Variants in URI1 observed in about 807,000 individuals in gnomAD.
URI1 encodes unconventional prefoldin RPB5 interactor 1.
A neutral mutation model predicts 60.2 loss-of-function variants in URI1; 39 were observed. That is an observed-to-expected ratio of 0.65 (90% confidence interval 0.50 to 0.85). The LOEUF is 0.85. Among genes scored for constraint, URI1 ranks in the 40% least tolerant of loss-of-function variants. URI1 has a pLI of 0.00. For synonymous variants in URI1, 251 were observed against 236.8 expected (o/e 1.06, Z -0.55); for missense variants, 691 against 665.9 (o/e 1.04, Z -0.42).
chr19:30,012,484 C>T lies in URI1; in HGVS notation c.1378C>T (p.Pro460Ser). 6.2e-7 allele frequency: 1 copy of T among 1,614,138 alleles called. No homozygotes were observed. The highest frequency in any genetic ancestry group is 8.5e-7 in the Non-Finnish European group (1 of 1,179,996). Reference sequence around the variant, plus strand: ...CAGTGAGAGCATTTTGGAAGAGGAACCACAAGAAAATCAAAAGAAACTTTT... The same window carrying T: ...CAGTGAGAGCATTTTGGAAGAGGAATCACAAGAAAATCAAAAGAAACTTTT... ...DTSESILEEE[P>S]QENQKKLLPL... is the part of the protein sequence containing the mutation. The change falls in exon 10 of 11, where the codon CCA (proline) becomes TCA (serine). Residue 460 changes from proline (P) to serine (S), a missense_variant. Transcript: ENST00000392271.
chr19:29,994,171 G>A (rs1307294445), intron 4 of URI1, among the ~76,000 whole-genome samples: 3 of 152,120 alleles, frequency 2.0e-5, no homozygotes, highest in African/African-American at 4.8e-5. Context: ...AACTTTGACA[G>A]TGCTGGCTTT....
rs952698870 is a variant in URI1 at position 29,956,944 on chromosome 19, A to G, written c.118-14249A>G. The G allele has an allele frequency of 1.3e-5, 13 of 990,364 alleles. No individual in the cohort carries two copies. In the Admixed American group the frequency reaches 1.9e-4, roughly 14 times the overall value. The allele number at this position is 990,364 out of a possible 1,614,324, so 61.3% of individuals were successfully genotyped here. On this transcript the variant is annotated intron_variant, in intron 1 of 10. Transcript: ENST00000392271. ...TGCGTCCCTTCAGAGTAACGTTGAC[A>G]TTTTCTGGAATGTCAACAGTCTGAT...
intron 1 of URI1, chr19:29,923,889 C>T: frequency 1.1e-6 from 1 of 883,394 alleles, no homozygotes; most frequent in Non-Finnish European, 1.7e-6. Flanking sequence ...TAGCTATAGA[C>T]CTGGAAGAGG....
In URI1 at chr19:30,005,664, T is replaced by A. The variant is rs373724542; in HGVS notation, c.473T>A (p.Ile158Asn). Residue 158 changes from isoleucine to asparagine, a missense_variant, in exon 6 of 11, where the codon ATT (isoleucine) becomes AAT (asparagine). Physicochemically the swap from Ile to Asn is moderately radical, Grantham distance 149 (BLOSUM62 -3). Transcript: ENST00000392271. ...LQKMSDAAGDIVDIREEIKCD... is the reference protein window; with the variant it reads ...LQKMSDAAGDNVDIREEIKCD... ...TTTAAAAACCAGGCTGCAGGTGATA[T>A]TGTTGACATACGAGAAGAAATTAAA... 7.4e-6 allele frequency: 12 copies of A among 1,611,796 alleles called. No individual in the cohort carries two copies. The highest frequency in any genetic ancestry group is 1.0e-5 in the Non-Finnish European group (12 of 1,179,016).
intron 1 of URI1, among the ~76,000 whole-genome samples, chr19:29,952,348 C>G (rs2055190488): frequency 6.6e-6 from 1 of 152,222 alleles, no homozygotes; most frequent in Non-Finnish European, 1.5e-5. Context: ...ATCATGAAGT[C>G]TTTCCTGTTG....
chr19:29,930,511 GT>G (rs947378230), intron 1 of URI1, among the ~76,000 whole-genome samples: 27 of 146,556 alleles, frequency 1.8e-4, no homozygotes, highest in East Asian at 6.0e-4. Context: ...CACCATTTGT[GT>G]TTTTTTTTTC....
chr19:29,942,579 A>ACCCCTCGC lies in URI1; in HGVS notation c.38_45dup (p.Ser16ArgfsTer42). Reference sequence around the variant, plus strand: ...GCGCCCACCGTGGAGACGCCCCCCGACCCCTCGCCCCCTTCGGCCCCGGCC... The same window carrying ACCCCTCGC: ...GCGCCCACCGTGGAGACGCCCCCCGACCCCTCGCCCCCTCGCCCCCTTCGGCCCCGGCC... On this transcript the variant is annotated frameshift_variant, in exon 1 of 11. Transcript: ENST00000392271. LOFTEE classifies it high-confidence loss of function. 1 of 1,376,378 alleles carries ACCCCTCGC rather than the reference A, an allele frequency of 7.3e-7. No homozygotes were observed. The highest frequency in any genetic ancestry group is 9.4e-7 in the Non-Finnish European group (1 of 1,063,632). The allele number at this position is 1,376,378 out of a possible 1,614,324, so 85.3% of individuals were successfully genotyped here. A position where few individuals can be genotyped will look rare whatever the true frequency, so the allele number is the denominator to read the frequency against.
At chr19:29,971,132 A>C in intron 1 of URI1, 61 bp from the exon 2 acceptor site, 1 of 1,537,876 alleles carries the variant, frequency 6.5e-7, no homozygotes, top group Non-Finnish European at 9.0e-7. Context: ...AGATACACTG[A>C]TTTTTGTAGC....
chr19:29,950,682 T>G (rs1298839552), intron 1 of URI1, among the ~76,000 whole-genome samples: 2 of 152,228 alleles, frequency 1.3e-5, no homozygotes, highest in Non-Finnish European at 2.9e-5. Context: ...AACCATATCT[T>G]TTTTTACACT....
chr19:29,942,467 C>A lies in URI1; in HGVS notation c.-81C>A. ...CGGTGCCTGAGGGCGGGCGCGCGGG[C>A]GCTGGGCAACTGCCGGCCGCGCCGC... is the stretch of plus-strand genomic sequence containing the variant. On this transcript the variant is annotated 5_prime_UTR_variant, in exon 1 of 11. Coordinates refer to ENST00000392271, the MANE Select transcript of URI1 (RefSeq NM_003796.3). The A allele has an allele frequency of 9.5e-7, 1 of 1,051,648 alleles. No homozygotes were observed. Among genetic ancestry groups the A allele is most frequent in the Non-Finnish European group, 1.1e-6 (1 of 872,664 alleles). The allele number at this position is 1,051,648 out of a possible 1,614,324, so 65.1% of individuals were successfully genotyped here. A position where few individuals can be genotyped will look rare whatever the true frequency, so the allele number is the denominator to read the frequency against.
At chr19:29,997,291 T>C (rs1456548618) in intron 4 of URI1, among the ~76,000 whole-genome samples, 1 of 152,206 alleles carries the variant, frequency 6.6e-6, no homozygotes, top group Non-Finnish European at 1.5e-5. Flanking sequence ...TGTGTTTTTC[T>C]AGGAATTTGT....
chr19:30,000,980 C>CT (rs550934216), intron 4 of URI1, among the ~76,000 whole-genome samples: 19 of 151,098 alleles, frequency 1.3e-4, no homozygotes, highest in Middle Eastern at 3.4e-3. Context: ...TCTGGAAGCA[C>CT]TTTTTTTTTG....
chr19:29,968,565 C>CTTTTTTTT (rs35475321), intron 1 of URI1, among the ~76,000 whole-genome samples: 29 of 74,410 alleles, frequency 3.9e-4, no homozygotes, highest in East Asian at 8.4e-4. Context: ...CTAATTTTTT[C>CTTTTTTTT]TTTTTTTTTT....
intron 1 of URI1, among the ~76,000 whole-genome samples, chr19:29,955,003 AT>A (rs144293972): frequency 5.5e-5 from 8 of 144,964 alleles, no homozygotes; most frequent in Non-Finnish European, 6.1e-5. Flanking sequence ...ATTCCTCATC[AT>A]TTTTTTTTTA....
At chr19:29,942,098 C>T, upstream of URI1, 1 of 449,850 alleles carries the variant, frequency 2.2e-6, no homozygotes, top group Non-Finnish European at 2.9e-6. Context: ...GGGATACAAA[C>T]GCAGCCCAGC....
intron 4 of URI1, among the ~76,000 whole-genome samples, chr19:29,998,016 C>T (rs1268458791): frequency 2.6e-5 from 4 of 152,070 alleles, no homozygotes; most frequent in Admixed American, 6.6e-5. Context: ...CTGCCTGCCT[C>T]GGCCTCCTAA....
chr19:29,955,767 T>C (rs185310240), intron 1 of URI1, among the ~76,000 whole-genome samples: 181 of 152,014 alleles, frequency 1.2e-3, no homozygotes, highest in African/African-American at 4.2e-3. Flanking sequence ...ATTTTTATAT[T>C]TTTAGTTGAG....
At chr19:29,935,581 C>T (rs2054961899) in intron 1 of URI1, among the ~76,000 whole-genome samples, 1 of 151,842 alleles carries the variant, frequency 6.6e-6, no homozygotes, top group Non-Finnish European at 1.5e-5. Flanking sequence ...TTTAGCAGCT[C>T]TTGTAGAGCA....
chr19:29,928,574 C>T (rs1196294362), intron 1 of URI1, among the ~76,000 whole-genome samples: 1 of 152,078 alleles, frequency 6.6e-6, no homozygotes, highest in East Asian at 1.9e-4. Flanking sequence ...GTCCCTGATG[C>T]TTGTTTATTT....
Sources: allele counts gnomAD v4.1 joint callset (sites outside exome capture counted in the v4.1 genomes callset), GRCh38; gene constraint gnomAD v4.1.1; transcripts MANE v1.5; gene names NCBI Gene and HGNC (gene_info 2026-07-23, HGNC 2026-07-21).